Variants in CACNA1C observed in about 807,000 individuals in gnomAD.
The protein encoded by CACNA1C is calcium voltage-gated channel subunit alpha1 C.
In CACNA1C, 30 loss-of-function variants were observed where a neutral mutation model predicts 229.0. That is an observed-to-expected ratio of 0.13 (90% CI 0.10 to 0.18). The LOEUF (loss-of-function observed/expected upper bound fraction) is 0.18. Ranked by LOEUF, CACNA1C falls within the 10% of genes least tolerant of loss-of-function variation. CACNA1C has a pLI of 1.00. For missense variants in CACNA1C, 1,658 were observed against 2,845.0 expected (o/e 0.58, Z 9.49); for synonymous variants, 1,114 against 1,132.5 (o/e 0.98, Z 0.33).
chr12:2,347,428 G>C (rs1319507150), intron 3 of CACNA1C, among the ~76,000 whole-genome samples: 1 of 152,216 alleles, frequency 6.6e-6, no homozygotes, highest in South Asian at 2.1e-4. Context: ...CTTTCTGGAG[G>C]GAGATGGGGA....
rs1305926999 is a variant in CACNA1C at position 2,479,478 on chromosome 12, G to A, written c.758-6626G>A. Among the ~76,000 whole-genome samples the A allele has an allele frequency of 6.6e-6, 1 of 152,228 alleles. No homozygotes were observed. The highest frequency in any genetic ancestry group is 1.5e-5 in the Non-Finnish European group (1 of 68,044). ...AAGCTTAGAATTTGCCCACCATCTA[G>A]TGACTCTTTTTGTTTGGATTTGGCT... is the stretch of plus-strand genomic sequence containing the variant. On this transcript the variant is annotated intron_variant, in intron 5 of 46. Coordinates refer to ENST00000399655, the MANE Select transcript of CACNA1C (RefSeq NM_000719.7). The surrounding 1 kb of genome is among the most constrained non-coding windows in gnomAD (Gnocchi z 4.3).
At chr12:2,604,226 G>A (rs1409387215) in intron 22 of CACNA1C, among the ~76,000 whole-genome samples, 1 of 152,186 alleles carries the variant, frequency 6.6e-6, no homozygotes, top group African/African-American at 2.4e-5. Context: ...TTGGGGAAGA[G>A]GGATTCTAGT....
At position 2,252,264 on chromosome 12, in the gene CACNA1C, G is replaced by C. The variant is rs150421000; in HGVS notation, c.477+131834G>C. Among the ~76,000 whole-genome samples, 14 of 152,324 alleles carry C rather than the reference G, an allele frequency of 9.2e-5. No individual in the cohort carries two copies. In the East Asian group the frequency reaches 2.7e-3, roughly 29 times the overall value. ...AATGTATTATTTGCTGGGGGCTCTTGTGGGGCTTGCTTGAAGTGTGTAAAT... is the reference window on the plus strand; with the variant it reads ...AATGTATTATTTGCTGGGGGCTCTTCTGGGGCTTGCTTGAAGTGTGTAAAT... On this transcript the variant is annotated intron_variant, in intron 3 of 46. Coordinates refer to ENST00000399655, the MANE Select transcript of CACNA1C (RefSeq NM_000719.7).
At chr12:2,160,730 A>G (rs964887156) in intron 3 of CACNA1C, among the ~76,000 whole-genome samples, 2 of 152,254 alleles carry the variant, frequency 1.3e-5, no homozygotes, top group Non-Finnish European at 2.9e-5. Context: ...TTTATTTAAG[A>G]TAAGGCTGCA....
At chr12:2,170,926 G>A (rs1173429166) in intron 3 of CACNA1C, among the ~76,000 whole-genome samples, 2 of 152,214 alleles carry the variant, frequency 1.3e-5, no homozygotes, top group Non-Finnish European at 2.9e-5. Context: ...GGGAGGGTAT[G>A]TGTTGCCCTT....
At chr12:2,179,271 G>A (rs1405569708) in intron 3 of CACNA1C, among the ~76,000 whole-genome samples, 1 of 152,196 alleles carries the variant, frequency 6.6e-6, no homozygotes, top group Non-Finnish European at 1.5e-5. Flanking sequence ...AGGTGGAGCT[G>A]GGAGTTCAGC....
At position 1,978,121 on chromosome 12, in the gene CACNA1C, A is replaced by C. The variant is rs945244578; in HGVS notation, c.139+6920A>C. Among the ~76,000 whole-genome samples the C allele has an allele frequency of 3.5e-4, 53 of 152,212 alleles. 1 individual carries two copies. Among genetic ancestry groups the C allele is most frequent in the African/African-American group, 1.3e-3 (53 of 41,454 alleles). ...GTTATACGGTTTCCATATTTTTGGC[A>C]AAGAGAAATCTTGCTTCTCTGACCA... is the stretch of plus-strand genomic sequence containing the variant. On this transcript the variant is annotated intron_variant, in intron 1 of 46. Transcript: ENST00000682462.
intron 9 of CACNA1C, among the ~76,000 whole-genome samples, chr12:2,516,703 C>G (rs1325221793): frequency 6.6e-6 from 1 of 152,104 alleles, no homozygotes; most frequent in Non-Finnish European, 1.5e-5. Flanking sequence ...ATGGGGAAGT[C>G]TGTGAGAGGA....
chr12:2,273,453 G>A (rs2086077426), intron 3 of CACNA1C, among the ~76,000 whole-genome samples: 1 of 152,156 alleles, frequency 6.6e-6, no homozygotes, highest in African/African-American at 2.4e-5. Flanking sequence ...GTACAGGGCT[G>A]GCAGAGAAGA....
intron 1 of CACNA1C, among the ~76,000 whole-genome samples, chr12:2,012,926 T>C (rs949809752): frequency 1.6e-4 from 25 of 152,238 alleles, no homozygotes; most frequent in African/African-American, 6.0e-4. Flanking sequence ...ATTTTTGGCC[T>C]TGTGCTTAGA....
chr12:2,427,160 C>A (rs1295006059), intron 3 of CACNA1C, among the ~76,000 whole-genome samples: 3 of 152,066 alleles, frequency 2.0e-5, no homozygotes, highest in Non-Finnish European at 2.9e-5. Context: ...CCTGTGCTTC[C>A]CAGTGCCAGT....
At chr12:2,652,658 C>T (rs1000674962) in intron 32 of CACNA1C, among the ~76,000 whole-genome samples, 2 of 152,206 alleles carry the variant, frequency 1.3e-5, no homozygotes, top group South Asian at 2.1e-4. Flanking sequence ...TGCCCGTCCC[C>T]GCTCTGCCCC....
chr12:2,649,139 G>A lies in CACNA1C; in HGVS notation c.3945+632G>A, dbSNP rs552264167. Among the ~76,000 whole-genome samples the A allele has an allele frequency of 3.9e-5, 6 of 152,284 alleles. No homozygotes were observed. In the South Asian group the frequency reaches 1.0e-3, roughly 26 times the overall value. On this transcript the variant is annotated intron_variant, in intron 31 of 46. Transcript: ENST00000399655. The surrounding 1 kb of genome is among the most constrained non-coding windows in gnomAD (Gnocchi z 4.4). ...AAAATTAGGCTGCAGCCACTGTTCC[G>A]CAGCAAGCTGGAAGCAGAAAAACAA...
intron 1 of CACNA1C, among the ~76,000 whole-genome samples, chr12:2,084,835 A>G (rs1374107436): frequency 6.6e-6 from 1 of 151,996 alleles, no homozygotes; most frequent in Non-Finnish European, 1.5e-5. Flanking sequence ...GGTTCCACCT[A>G]CCCTATGTTT....
chr12:2,092,456 A>G (rs953083856), intron 1 of CACNA1C, among the ~76,000 whole-genome samples: 3 of 152,156 alleles, frequency 2.0e-5, no homozygotes, highest in African/African-American at 4.8e-5. Context: ...TGGCATGGGC[A>G]TCCGTATTCA....
At chr12:2,089,541 G>A (rs2154073312) in intron 1 of CACNA1C, among the ~76,000 whole-genome samples, 1 of 152,300 alleles carries the variant, frequency 6.6e-6, no homozygotes, top group East Asian at 1.9e-4. Flanking sequence ...GTGGTGACAG[G>A]ATGCCATAAG....
chr12:2,454,031 G>A (rs1335842951), intron 4 of CACNA1C, among the ~76,000 whole-genome samples: 1 of 152,172 alleles, frequency 6.6e-6, no homozygotes, highest in African/African-American at 2.4e-5. Context: ...AGGGGGCCCT[G>A]CCAGCTCCTG....
intron 28 of CACNA1C, 24 bp from the exon 29 acceptor site, chr12:2,611,879 A>T: frequency 6.7e-7 from 1 of 1,499,378 alleles, no homozygotes; most frequent in Non-Finnish European, 9.3e-7. Flanking sequence ...CCGTGTTCAC[A>T]GCTCCTCCCC....
intron 4 of CACNA1C, among the ~76,000 whole-genome samples, chr12:2,450,343 A>T (rs1596580781): frequency 6.6e-6 from 1 of 152,120 alleles, no homozygotes; most frequent in South Asian, 2.1e-4. Context: ...TCACGAGGTC[A>T]GGAGATCGAG....
Sources: allele counts gnomAD v4.1 joint callset (sites outside exome capture counted in the v4.1 genomes callset), GRCh38; gene constraint gnomAD v4.1.1; non-coding constraint Gnocchi (gnomAD v3.1); transcripts MANE v1.5; gene names NCBI Gene and HGNC (gene_info 2026-07-23, HGNC 2026-07-21).